RYR3: variants seen among roughly 807,000 people sequenced by gnomAD.
The protein encoded by RYR3 is ryanodine receptor 3.
Under a neutral mutation model 584.3 loss-of-function variants are expected in RYR3, and 207 were observed. That is an observed-to-expected ratio of 0.35 (90% CI 0.32 to 0.40). RYR3 has a LOEUF of 0.40. Among genes scored for constraint, RYR3 ranks in the 10% least tolerant of loss-of-function variants. The pLI is 1.00. For synonymous variants in RYR3, 2,416 were observed against 2,248.5 expected, an observed-to-expected ratio of 1.07 and a Z score of -2.11; for missense variants, 5,616 against 6,089.2, an observed-to-expected ratio of 0.92 and a Z score of 2.59.
At chr15:33,570,214 A>T (rs986341266) in intron 12 of RYR3, among the ~76,000 whole-genome samples, 1 of 152,108 alleles carries the variant, frequency 6.6e-6, no homozygotes, top group Non-Finnish European at 1.5e-5. Flanking sequence ...TAGCGTTTAC[A>T]TTTAGGTCCG....
rs1355608010 is a variant in RYR3 at position 33,857,871 on chromosome 15, A to G, written c.14099A>G (p.Glu4700Gly). The G allele has an allele frequency of 6.2e-7, 1 of 1,614,198 alleles. No individual in the cohort carries two copies. Among genetic ancestry groups the G allele is most frequent in the Admixed American group, 1.7e-5 (1 of 60,034 alleles). Residue 4700 changes from glutamate (E) to glycine (G), a missense_variant, in exon 99 of 104, where the codon GAA becomes GGA. This residue lies in a region of RYR3 where 918 missense variants were observed against 887.4 expected (regional missense o/e 1.03). Transcript: ENST00000634891. ...TTCCGCAAGTTCTACAACAAAAGCG[A>G]AGACGATGACGAGCCCGATATGAAG... ...NFFRKFYNKS[E>G]DDDEPDMKCD...
chr15:33,678,842 A>G (rs1271799258), intron 38 of RYR3, among the ~76,000 whole-genome samples: 3 of 152,180 alleles, frequency 2.0e-5, no homozygotes, highest in East Asian at 1.9e-4. Flanking sequence ...GCTCCGGGTT[A>G]TCTTCACAGG....
chr15:33,566,263 G>A (rs1035136045), intron 11 of RYR3, among the ~76,000 whole-genome samples: 1 of 152,156 alleles, frequency 6.6e-6, no homozygotes, highest in Non-Finnish European at 1.5e-5. Flanking sequence ...ACAGAATTTT[G>A]CTTTAAATTG....
At chr15:33,778,073 G>A (rs1358438907) in intron 64 of RYR3, among the ~76,000 whole-genome samples, 1 of 152,108 alleles carries the variant, frequency 6.6e-6, no homozygotes, top group Non-Finnish European at 1.5e-5. Context: ...GGGAGGCTAA[G>A]GCAGGAGAGT....
At chr15:33,578,064 C>T (rs749483014) in intron 12 of RYR3, among the ~76,000 whole-genome samples, 17 of 152,154 alleles carry the variant, frequency 1.1e-4, no homozygotes, top group African/African-American at 4.1e-4. Flanking sequence ...AATGACATAC[C>T]ATCTCATGCT....
intron 24 of RYR3, among the ~76,000 whole-genome samples, chr15:33,633,876 G>A (rs1255614485): frequency 2.6e-5 from 4 of 152,154 alleles, no homozygotes; most frequent in Non-Finnish European, 5.9e-5. Flanking sequence ...GTTTCTCCAT[G>A]AAGGCTGTTA....
At position 33,737,925 on chromosome 15, in the gene RYR3, G is replaced by T. The variant is rs368787474; in HGVS notation, c.7516-525G>T. On this transcript the variant is annotated intron_variant, in intron 49 of 103. Transcript: ENST00000634891. Reference sequence around the variant, plus strand: ...GTGAAACTGCTGTAAAGTCACTGGGGTGTGAGAGAGGGGAGAGGGAGCGGG... The same window carrying T: ...GTGAAACTGCTGTAAAGTCACTGGGTTGTGAGAGAGGGGAGAGGGAGCGGG... Among the ~76,000 whole-genome samples, 15 of 152,222 alleles carry T rather than the reference G, an allele frequency of 9.9e-5. No homozygotes were observed. The East Asian group carries it at 2.9e-3, about 29-fold the overall frequency.
rs144105326 is a variant in RYR3 at position 33,601,462 on chromosome 15, C to T, written c.1832C>T (p.Ala611Val). The part of the protein sequence containing the change: ...LCSLCLCNGV[A>V]VRANQNLICD... ...TCCCTCTGTCTCTGCAATGGGGTTG[C>T]AGTGAGAGCCAACCAGAATCTGATC... Residue 611 changes from alanine (A) to valine (V), a missense_variant, in exon 17 of 104, where the codon GCA (alanine) becomes GTA (valine). By Grantham distance (64) the Ala-to-Val change is moderately conservative. Transcript: ENST00000634891. The T allele has an allele frequency of 1.2e-5, 19 of 1,613,256 alleles. No individual in the cohort carries two copies. The East Asian group carries it at 4.0e-4, about 34-fold the overall frequency.
intron 86 of RYR3, 76 bp downstream of exon 86, chr15:33,831,167 A>G: frequency 7.0e-7 from 1 of 1,426,692 alleles, no homozygotes; most frequent in Non-Finnish European, 9.6e-7. Context: ...TCCCTACAGA[A>G]TACTTGATTG....
chr15:33,507,837 A>G (rs976900367), intron 3 of RYR3, among the ~76,000 whole-genome samples: 4 of 151,984 alleles, frequency 2.6e-5, no homozygotes, highest in Non-Finnish European at 5.9e-5. Flanking sequence ...TCAAGATGCA[A>G]TCTATCTCGT....
intron 70 of RYR3, among the ~76,000 whole-genome samples, chr15:33,809,981 C>T (rs2076430454): frequency 1.3e-5 from 2 of 152,180 alleles, no homozygotes; most frequent in Non-Finnish European, 2.9e-5. Flanking sequence ...TTTAGATTTT[C>T]CTTTTCCTGT....
At chr15:33,637,242 A>T (rs1267979851) in intron 27 of RYR3, among the ~76,000 whole-genome samples, 1 of 151,964 alleles carries the variant, frequency 6.6e-6, no homozygotes, top group Non-Finnish European at 1.5e-5. Context: ...GACTTCTCCT[A>T]ACAAGCTCAT....
chr15:33,373,825 A>T (rs985411151), intron 1 of RYR3, among the ~76,000 whole-genome samples: 1 of 152,188 alleles, frequency 6.6e-6, no homozygotes, highest in Non-Finnish European at 1.5e-5. Flanking sequence ...TATGAATGAG[A>T]AAAAAGGCAG....
chr15:33,333,980 G>A (rs571151912), intron 1 of RYR3, among the ~76,000 whole-genome samples: 6 of 152,302 alleles, frequency 3.9e-5, no homozygotes, highest in African/African-American at 1.4e-4. Context: ...AACAAGGGAA[G>A]TGAAAGATCT....
intron 1 of RYR3, among the ~76,000 whole-genome samples, chr15:33,435,695 G>A (rs1037528635): frequency 3.3e-5 from 5 of 152,066 alleles, no homozygotes; most frequent in African/African-American, 7.3e-5. Flanking sequence ...TGGCATGTCC[G>A]GAGTTGATTG....
In RYR3 at chr15:33,845,001, C is replaced by T. The variant is rs1185645828; in HGVS notation, c.13436C>T (p.Ala4479Val). The T allele has an allele frequency of 6.2e-7, 1 of 1,614,000 alleles. No individual in the cohort carries two copies. Among genetic ancestry groups the T allele is most frequent in the Non-Finnish European group, 8.5e-7 (1 of 1,179,892 alleles). ...GGGTATATGGCACCAACCCTGCGTG[C>T]CCTGGCCATCATCCATACCATCATC... is the stretch of plus-strand genomic sequence containing the variant. ...STGYMAPTLR[A>V]LAIIHTIISL... Residue 4479 changes from alanine (A) to valine (V), a missense_variant, in exon 93 of 104, where the codon GCC becomes GTC. This residue lies in a region of RYR3 where 918 missense variants were observed against 887.4 expected (regional missense o/e 1.03). Coordinates refer to ENST00000634891, the MANE Select transcript of RYR3 (RefSeq NM_001036.6).
intron 38 of RYR3, among the ~76,000 whole-genome samples, chr15:33,681,066 T>C (rs2064569383): frequency 1.3e-5 from 2 of 152,208 alleles, no homozygotes; most frequent in Admixed American, 1.3e-4. Flanking sequence ...TGAGCCAGAT[T>C]CAGGCAGACC....
intron 48 of RYR3, among the ~76,000 whole-genome samples, chr15:33,735,921 C>T (rs1036511467): frequency 6.6e-6 from 1 of 152,168 alleles, no homozygotes; most frequent in African/African-American, 2.4e-5. Flanking sequence ...AAATGAACTG[C>T]ACCTTCTTTC....
chr15:33,348,033 A>T (rs1426883382), intron 1 of RYR3, among the ~76,000 whole-genome samples: 1 of 152,100 alleles, frequency 6.6e-6, no homozygotes, highest in Non-Finnish European at 1.5e-5. Context: ...ATCTATAAAC[A>T]TTCCTATATG....
Sources: gnomAD v4.1 joint callset for allele counts (sites outside exome capture counted in the v4.1 genomes callset) on GRCh38, gnomAD v4.1.1 for gene constraint, gnomAD v4.1.1 regional missense constraint, MANE v1.5 for transcripts, NCBI Gene and HGNC (gene_info 2026-07-23, HGNC 2026-07-21) for gene names.